Variants in HTR4 observed in about 807,000 individuals in gnomAD.
HTR4 encodes 5-hydroxytryptamine receptor 4, also known as 5-hydroxytryptamine (serotonin) receptor 4, G protein-coupled.
Under a neutral mutation model 36.8 loss-of-function variants are expected in HTR4, and 16 were observed. That is an observed-to-expected ratio of 0.43 (90% CI 0.29 to 0.66). The LOEUF (loss-of-function observed/expected upper bound fraction) is 0.66, where lower values mean the gene tolerates loss of function less well. HTR4 is among the 30% of genes least tolerant of loss of function. HTR4 has a pLI of 0.13. For missense variants in HTR4, 438 were observed against 490.9 expected, an observed-to-expected ratio of 0.89 and a Z score of 1.02; for synonymous variants, 189 against 185.1, an observed-to-expected ratio of 1.02 and a Z score of -0.17.
chr5:148,598,125 G>C (rs369891142), intron 2 of HTR4, among the ~76,000 whole-genome samples: 2 of 152,170 alleles, frequency 1.3e-5, no homozygotes, highest in African/African-American at 4.8e-5. Context: ...AGAGGAAAGA[G>C]TAGGACCATA....
chr5:148,595,597 C>T (rs1761736164), intron 2 of HTR4, among the ~76,000 whole-genome samples: 2 of 152,072 alleles, frequency 1.3e-5, no homozygotes, highest in South Asian at 2.1e-4. Context: ...GAAAAGTCTT[C>T]ATATATTTGT....
chr5:148,558,066 C>T (rs1760033774), intron 2 of HTR4, among the ~76,000 whole-genome samples: 1 of 151,880 alleles, frequency 6.6e-6, no homozygotes. Context: ...ACAAAAGATC[C>T]CATACTCCCT....
At chr5:148,475,850 A>C (rs927165118), downstream of HTR4, among the ~76,000 whole-genome samples, 2 of 152,234 alleles carry the variant, frequency 1.3e-5, no homozygotes, top group Non-Finnish European at 2.9e-5. Context: ...ACGCCTCATC[A>C]CACTGGGTGG....
chr5:148,652,692 G>A (rs1224388090), intron 1 of HTR4, among the ~76,000 whole-genome samples: 2 of 152,060 alleles, frequency 1.3e-5, no homozygotes, highest in African/African-American at 4.8e-5. Flanking sequence ...GCTAGCTTCA[G>A]TGAGCTACAG....
intron 2 of HTR4, among the ~76,000 whole-genome samples, chr5:148,576,386 T>C (rs1354590896): frequency 1.3e-5 from 2 of 151,976 alleles, no homozygotes; most frequent in African/African-American, 2.4e-5. Flanking sequence ...AAAATGGCTA[T>C]ACTGTCCAAA....
intron 5 of HTR4, among the ~76,000 whole-genome samples, chr5:148,514,512 G>C (rs1304054372): frequency 6.6e-6 from 1 of 152,092 alleles, no homozygotes; most frequent in Non-Finnish European, 1.5e-5. Flanking sequence ...AACACTGCCT[G>C]CTGACAGGTC....
chr5:148,595,043 A>G (rs1561640169), intron 2 of HTR4, among the ~76,000 whole-genome samples: 1 of 152,170 alleles, frequency 6.6e-6, no homozygotes, highest in Non-Finnish European at 1.5e-5. Flanking sequence ...TCTCTGCTGG[A>G]AGAAATAACC....
At position 148,614,292 on chromosome 5, in the gene HTR4, C is replaced by T. The variant is rs1284061067; in HGVS notation, c.26+22697G>A. Among the ~76,000 whole-genome samples, 5 of 150,652 alleles carry T rather than the reference C, an allele frequency of 3.3e-5. No homozygotes were observed. In the South Asian group the frequency reaches 1.0e-3, roughly 32 times the overall value. Reference sequence around the variant, plus strand: ...CCTGACTTCAAACTATACTACAAGGCTACAGTAACCAAAACAGCATGGTAC... The same window carrying T: ...CCTGACTTCAAACTATACTACAAGGTTACAGTAACCAAAACAGCATGGTAC... On this transcript the variant is annotated intron_variant, in intron 2 of 6. Coordinates refer to ENST00000377888, the MANE Select transcript of HTR4 (RefSeq NM_000870.7).
At chr5:148,574,338 A>C (rs559581077) in intron 2 of HTR4, among the ~76,000 whole-genome samples, 25 of 152,064 alleles carry the variant, frequency 1.6e-4, no homozygotes, top group African/African-American at 5.3e-4. Flanking sequence ...CAATGGAAAA[A>C]ACATCTGAAA....
At chr5:148,597,854 C>T (rs891427279) in intron 2 of HTR4, among the ~76,000 whole-genome samples, 1 of 152,170 alleles carries the variant, frequency 6.6e-6, no homozygotes, top group African/African-American at 2.4e-5. Context: ...TCAGTGAGAA[C>T]AAGTACCTCC....
intron 5 of HTR4, among the ~76,000 whole-genome samples, chr5:148,456,282 C>A (rs571467596): frequency 2.6e-5 from 4 of 152,168 alleles, no homozygotes; most frequent in Admixed American, 1.3e-4. Flanking sequence ...GATCTGGGGT[C>A]ATCTGGTTGG....
chr5:148,563,110 T>C (rs988383498), intron 2 of HTR4, among the ~76,000 whole-genome samples: 1 of 152,204 alleles, frequency 6.6e-6, no homozygotes, highest in African/African-American at 2.4e-5. Flanking sequence ...CCATGACCTA[T>C]GTAAATTTAC....
chr5:148,641,637 C>T (rs1338897067), intron 1 of HTR4, among the ~76,000 whole-genome samples: 1 of 152,166 alleles, frequency 6.6e-6, no homozygotes, highest in Non-Finnish European at 1.5e-5. Context: ...TTCCCTTGAG[C>T]TTCTTTTTCT....
intron 2 of HTR4, among the ~76,000 whole-genome samples, chr5:148,606,330 T>A (rs936134327): frequency 6.6e-6 from 1 of 152,060 alleles, no homozygotes; most frequent in African/African-American, 2.4e-5. Context: ...TACAGGCAGG[T>A]GTAAATATGA....
At chr5:148,490,886 C>A (rs1561575212) in intron 6 of HTR4, 1 of 462,608 alleles carries the variant, frequency 2.2e-6, no homozygotes. Flanking sequence ...CCTAAAACCT[C>A]TTTGCTCTAA....
At chr5:148,535,836 T>A (rs984299694) in intron 4 of HTR4, among the ~76,000 whole-genome samples, 1 of 151,804 alleles carries the variant, frequency 6.6e-6, no homozygotes, top group African/African-American at 2.4e-5. Context: ...TTATGGAAAC[T>A]CCCCCAACCT....
intron 4 of HTR4, among the ~76,000 whole-genome samples, chr5:148,524,108 T>G (rs1758151170): frequency 6.6e-6 from 1 of 152,108 alleles, no homozygotes; most frequent in African/African-American, 2.4e-5. Context: ...AAGGATCTCC[T>G]GAATCAGAGC....
intron 5 of HTR4, among the ~76,000 whole-genome samples, chr5:148,470,940 C>G (rs1755552773): frequency 6.6e-6 from 1 of 152,170 alleles, no homozygotes; most frequent in South Asian, 2.1e-4. Context: ...CTGCTCCTTT[C>G]AGCATCCCAA....
chr5:148,459,702 T>C (rs1335497479), intron 5 of HTR4, among the ~76,000 whole-genome samples: 1 of 152,054 alleles, frequency 6.6e-6, no homozygotes, highest in African/African-American at 2.4e-5. Context: ...CATGTGTAGC[T>C]ATCAAGAAAA....
Sources: allele counts gnomAD v4.1 joint callset (sites outside exome capture counted in the v4.1 genomes callset), GRCh38; gene constraint gnomAD v4.1.1; transcripts MANE v1.5; gene names NCBI Gene and HGNC (gene_info 2026-07-23, HGNC 2026-07-21).